The following CABIN1 variants were observed in gnomAD, a reference collection of about 807,000 sequenced individuals.
The protein encoded by CABIN1 is calcineurin binding protein 1.
In CABIN1, 133 loss-of-function variants were observed where a neutral mutation model predicts 227.7. The ratio of observed to expected loss-of-function variants is 0.58; its 90% CI spans 0.51 to 0.67. CABIN1 has a LOEUF of 0.67. Among genes scored for constraint, CABIN1 ranks in the 30% least tolerant of loss-of-function variants. The probability of loss-of-function intolerance (pLI) is 0.00; values close to 1 mark genes in which losing one functional copy is unlikely to be tolerated. For missense variants in CABIN1, 2,408 were observed against 2,852.5 expected (o/e 0.84, Z 3.55); for synonymous variants, 1,086 against 1,155.1 (o/e 0.94, Z 1.21).
intron 1 of CABIN1, among the ~76,000 whole-genome samples, chr22:24,027,719 T>C (rs2146740704): frequency 6.6e-6 from 1 of 152,370 alleles, no homozygotes; most frequent in South Asian, 2.1e-4. Flanking sequence ...TTTGTCATGC[T>C]CTCTCACCCT....
At chr22:24,072,227 A>G (rs2040138805) in intron 17 of CABIN1, 127 bp from the exon 18 acceptor site, 1 of 887,630 alleles carries the variant, frequency 1.1e-6, no homozygotes, top group Non-Finnish European at 1.8e-6. Flanking sequence ...CAGTGCCCAC[A>G]TCTGAGCAGT....
At chr22:24,165,429 A>G in intron 30 of CABIN1, 101 bp from the exon 31 acceptor site, 1 of 1,069,684 alleles carries the variant, frequency 9.3e-7, no homozygotes, top group Non-Finnish European at 1.4e-6. Flanking sequence ...AGGAACAAAC[A>G]GGCATCCTCA....
In CABIN1 at chr22:24,050,975, G is replaced by A. The variant is rs1046322716; in HGVS notation, c.806+1G>A. On this transcript the variant is annotated splice_donor_variant, in intron 8 of 36. Coordinates refer to ENST00000263119, the MANE Select transcript of CABIN1 (RefSeq NM_012295.4). LOFTEE classifies it high-confidence loss of function. The stretch of plus-strand genomic sequence containing the variant: ...TTGTGCAGCCCATTCCTTTCTTCAC[G>A]TAGGTTGTCTAGCGTCTCTGGGAGT... 6 of 1,614,020 alleles carry A rather than the reference G, an allele frequency of 3.7e-6. No individual in the cohort carries two copies. Among genetic ancestry groups the A allele is most frequent in the South Asian group, 1.1e-5 (1 of 91,086 alleles).
At chr22:24,092,474 A>G (rs979287747) in intron 24 of CABIN1, among the ~76,000 whole-genome samples, 1 of 152,132 alleles carries the variant, frequency 6.6e-6, no homozygotes, top group Non-Finnish European at 1.5e-5. Flanking sequence ...TAGGCAGGAA[A>G]ACCAAGGACA....
rs200416527 is a variant in CABIN1, at chr22:24,113,563, C to A, written c.4118-3C>A. 9 of 1,614,010 alleles carry A rather than the reference C, an allele frequency of 5.6e-6. No homozygotes were observed. Among genetic ancestry groups the A allele is most frequent in the African/African-American group, 1.3e-5 (1 of 75,036 alleles). On this transcript the variant is annotated splice_region_variant and splice_polypyrimidine_tract_variant and intron_variant, in intron 26 of 36. Coordinates refer to ENST00000263119, the MANE Select transcript of CABIN1 (RefSeq NM_012295.4). ...CGCCCTCTCTTCCTCCTTCTCCCCTCAGACCGAAGCCAGGACAGCACAGCC... is the reference window on the plus strand; with the variant it reads ...CGCCCTCTCTTCCTCCTTCTCCCCTAAGACCGAAGCCAGGACAGCACAGCC...
chr22:24,030,650 G>A (rs865933301), intron 1 of CABIN1, among the ~76,000 whole-genome samples: 20 of 152,126 alleles, frequency 1.3e-4, no homozygotes, highest in African/African-American at 4.6e-4. Flanking sequence ...CTGTTTTCAG[G>A]GTGTTTGGGT....
chr22:24,086,596 G>A (rs2147115819), intron 22 of CABIN1, among the ~76,000 whole-genome samples: 1 of 152,364 alleles, frequency 6.6e-6, no homozygotes, highest in Non-Finnish European at 1.5e-5. Flanking sequence ...TTCTGTGCTA[G>A]CAGTGCATTA....
chr22:24,153,494 T>C (rs1439322013), intron 29 of CABIN1, among the ~76,000 whole-genome samples: 1 of 152,148 alleles, frequency 6.6e-6, no homozygotes, highest in Non-Finnish European at 1.5e-5. Flanking sequence ...GGGCAGGCAG[T>C]CTCACCAGCC....
In CABIN1 at chr22:24,157,349, T is replaced by C. The variant is rs549478561; in HGVS notation, c.4747-7051T>C. On this transcript the variant is annotated intron_variant, in intron 29 of 36. Coordinates refer to ENST00000263119, the MANE Select transcript of CABIN1 (RefSeq NM_012295.4). ...GTCCTGCCTCTAAAGGCTTCGGGACTCCTGAGTAGGGAGGCTCCAGAAGGG... is the reference window on the plus strand; with the variant it reads ...GTCCTGCCTCTAAAGGCTTCGGGACCCCTGAGTAGGGAGGCTCCAGAAGGG... Among the ~76,000 whole-genome samples, 4 of 152,224 alleles carry C rather than the reference T, an allele frequency of 2.6e-5. No homozygotes were observed. The East Asian group carries it at 7.7e-4, about 29-fold the overall frequency.
Position 24,072,341 on chromosome 22 carries a change from C to A in CABIN1, c.2476-13C>A, listed in dbSNP as rs1364939470. ...CTGTGACACTTCTGCTGTCTCCCAC[C>A]CCGCACTGTCAGGTCATTGACTGCA... On this transcript the variant is annotated splice_polypyrimidine_tract_variant and intron_variant, in intron 17 of 36. Transcript: ENST00000263119. 1 of 1,613,966 alleles carries A rather than the reference C, an allele frequency of 6.2e-7. No individual in the cohort carries two copies. Among genetic ancestry groups the A allele is most frequent in the African/African-American group, 1.3e-5 (1 of 74,916 alleles).
At chr22:24,100,441 T>TGGTGTCAGGG (rs2042137228) in intron 26 of CABIN1, among the ~76,000 whole-genome samples, 1 of 152,252 alleles carries the variant, frequency 6.6e-6, no homozygotes. Flanking sequence ...AGCAGATTGC[T>TGGTGTCAGGG]GGTGTCAGGG....
Position 24,060,107 on chromosome 22 carries a change from C to G in CABIN1, c.1583C>G (p.Pro528Arg). The G allele has an allele frequency of 6.2e-7, 1 of 1,613,874 alleles. No individual in the cohort carries two copies. Among genetic ancestry groups the G allele is most frequent in the Non-Finnish European group, 8.5e-7 (1 of 1,180,016 alleles). Reference protein sequence around the residue: ...WRRHSTSLPNPLLRDCSNKHI... With the variant: ...WRRHSTSLPNRLLRDCSNKHI... ...AGGCACAGCACCAGCCTGCCCAACC[C>G]GCTGCTGAGGGACTGCAGCAACAAG... is the stretch of plus-strand genomic sequence containing the variant. The change falls in exon 12 of 37, where the codon CCG (proline) becomes CGG (arginine). Residue 528 changes from proline to arginine, a missense_variant. Physicochemically the swap from Pro to Arg is moderately radical, Grantham distance 103 (BLOSUM62 -2). Transcript: ENST00000263119.
chr22:24,023,695 A>T (rs936882644), intron 1 of CABIN1, among the ~76,000 whole-genome samples: 3 of 150,782 alleles, frequency 2.0e-5, no homozygotes, highest in African/African-American at 4.9e-5. Flanking sequence ...AGGTGTTTTT[A>T]TATCTTCTTT....
rs551108170 is a variant in CABIN1, at chr22:24,113,653, G to T, written c.4205G>T (p.Gly1402Val). 3.8e-5 allele frequency: 62 copies of T among 1,614,130 alleles called. 2 individuals are homozygous for T. In the South Asian group the frequency reaches 6.5e-4, roughly 17 times the overall value. ...FFNEPTSLLE[G>V]SRKSYTEKRL... ...AATGAGCCCACCAGCTTACTGGAAG[G>T]CTCCAGGAAATCCTACACAGAGAAG... The change falls in exon 27 of 37, where the codon GGC (glycine) becomes GTC (valine). Residue 1402 changes from glycine (G) to valine (V), a missense_variant. Gly to Val is a moderately radical substitution (Grantham distance 109). Transcript: ENST00000263119.
intron 28 of CABIN1, among the ~76,000 whole-genome samples, chr22:24,133,730 G>A (rs1031646908): frequency 6.6e-6 from 1 of 152,180 alleles, no homozygotes; most frequent in African/African-American, 2.4e-5. Context: ...CTGCTCTATG[G>A]GCCAGTGAGA....
chr22:24,170,666 C>T (rs1467427519), intron 33 of CABIN1, among the ~76,000 whole-genome samples: 1 of 152,050 alleles, frequency 6.6e-6, no homozygotes, highest in East Asian at 1.9e-4. Context: ...CCACAGGGGC[C>T]CGTCCTGAAC....
chr22:24,045,479 G>A (rs2037798213), intron 6 of CABIN1, among the ~76,000 whole-genome samples: 1 of 151,066 alleles, frequency 6.6e-6, no homozygotes, highest in Non-Finnish European at 1.5e-5. Flanking sequence ...TCATTAACTG[G>A]GTGGGGTGGT....
rs117827960 is a variant in CABIN1 at position 24,144,423 on chromosome 22, G to T, written c.4746+10008G>T. Among the ~76,000 whole-genome samples, 450 of 152,290 alleles carry T rather than the reference G, an allele frequency of 3.0e-3. 14 individuals are homozygous for T. The East Asian group carries it at 0.069, about 23-fold the overall frequency. On this transcript the variant is annotated intron_variant, in intron 29 of 36. Transcript: ENST00000263119. ...CTGCCCAGCCCTTGGTCACCTGATGGTGCATGTCATCTTCCACTAAGCCAT... is the reference window on the plus strand; with the variant it reads ...CTGCCCAGCCCTTGGTCACCTGATGTTGCATGTCATCTTCCACTAAGCCAT...
intron 27 of CABIN1, among the ~76,000 whole-genome samples, chr22:24,117,530 TTTTG>T (rs2043155610): frequency 7.1e-6 from 1 of 140,060 alleles, no homozygotes; most frequent in Non-Finnish European, 1.5e-5. Flanking sequence ...TCAGGGGTTT[TTTTG>T]TTTGTTTTTT....
Sources: gnomAD v4.1 joint callset for allele counts (sites outside exome capture counted in the v4.1 genomes callset) on GRCh38, gnomAD v4.1.1 for gene constraint, MANE v1.5 for transcripts, NCBI Gene and HGNC (gene_info 2026-07-23, HGNC 2026-07-21) for gene names.